DPP6: variants seen among roughly 807,000 people sequenced by gnomAD.
DPP6 encodes the protein A-type potassium channel modulatory protein DPP6.
DPP6 carries 69 observed loss-of-function variants against 122.6 expected under a neutral mutation model. The observed-to-expected ratio is 0.56, with a 90% CI of 0.46 to 0.69. The LOEUF (loss-of-function observed/expected upper bound fraction) is 0.69, where lower values mean the gene tolerates loss of function less well. Among genes scored for constraint, DPP6 ranks in the 30% least tolerant of loss-of-function variants. DPP6 has a pLI of 0.00. For synonymous variants in DPP6, 418 were observed against 433.1 expected, an observed-to-expected ratio of 0.97 and a Z score of 0.43; for missense variants, 928 against 1,116.9, an observed-to-expected ratio of 0.83 and a Z score of 2.41.
chr7:154,587,921 G>A, intron 5 of DPP6: 1 of 1,612,914 alleles, frequency 6.2e-7, no homozygotes, highest in East Asian at 2.2e-5. Flanking sequence ...CCAGGAGGCA[G>A]GACTGCCAAT....
the DPP6 span, among the ~76,000 whole-genome samples, chr7:153,804,691 G>A: frequency 6.6e-6 from 1 of 152,104 alleles, no homozygotes; most frequent in South Asian, 2.1e-4. Context: ...TCAGGAGTTC[G>A]AGACCAGCCT....
At chr7:154,126,985 G>C (rs1807939587) in intron 1 of DPP6, among the ~76,000 whole-genome samples, 1 of 152,078 alleles carries the variant, frequency 6.6e-6, no homozygotes, top group African/African-American at 2.4e-5. Context: ...ACCCCTTCCA[G>C]CTCCTTGGGG....
intron 1 of DPP6, among the ~76,000 whole-genome samples, chr7:154,279,098 G>A (rs1282506839): frequency 1.3e-5 from 2 of 150,818 alleles, no homozygotes; most frequent in Non-Finnish European, 3.0e-5. Context: ...GGATGCATGT[G>A]TGTGCATTGT....
At chr7:154,086,348 G>A (rs1258552301) in intron 1 of DPP6, among the ~76,000 whole-genome samples, 2 of 147,416 alleles carry the variant, frequency 1.4e-5, no homozygotes, top group Non-Finnish European at 3.0e-5. Context: ...GGCTGCAGGT[G>A]TGTTTTTCCT....
intron 7 of DPP6, among the ~76,000 whole-genome samples, chr7:154,692,882 A>G (rs1586901167): frequency 6.6e-6 from 1 of 151,650 alleles, no homozygotes; most frequent in South Asian, 2.1e-4. Flanking sequence ...CCTGACCTCA[A>G]CCTCAAGCAG....
chr7:154,028,069 C>T (rs1220758939), intron 1 of DPP6, among the ~76,000 whole-genome samples: 2 of 151,428 alleles, frequency 1.3e-5, no homozygotes, highest in African/African-American at 4.9e-5. Flanking sequence ...GGCCGGTGCT[C>T]CCATGGGCTG....
intron 5 of DPP6, among the ~76,000 whole-genome samples, chr7:154,586,441 C>T (rs1832455025): frequency 6.6e-6 from 1 of 152,112 alleles, no homozygotes; most frequent in Non-Finnish European, 1.5e-5. Flanking sequence ...GTTTTGGCCC[C>T]ATAGATGAGG....
chr7:154,206,018 G>A (rs936922459), intron 1 of DPP6, among the ~76,000 whole-genome samples: 3 of 152,144 alleles, frequency 2.0e-5, no homozygotes, highest in African/African-American at 4.8e-5. Flanking sequence ...CCAAGGAAAG[G>A]CATCTCCTTA....
chr7:154,291,458 C>T (rs760635080), intron 1 of DPP6, among the ~76,000 whole-genome samples: 24 of 152,192 alleles, frequency 1.6e-4, no homozygotes, highest in Non-Finnish European at 3.1e-4. Context: ...GCCTTGCTTC[C>T]TTCTTGCTTC....
intron 1 of DPP6, among the ~76,000 whole-genome samples, chr7:153,990,237 C>T (rs1797101606): frequency 9.5e-6 from 1 of 104,960 alleles, no homozygotes; most frequent in Non-Finnish European, 2.0e-5. Flanking sequence ...TCCAGCCCCA[C>T]CCTCAGGCAG....
chr7:154,719,376 T>C (rs1841677153), intron 7 of DPP6, among the ~76,000 whole-genome samples: 1 of 151,642 alleles, frequency 6.6e-6, no homozygotes, highest in Admixed American at 6.5e-5. Flanking sequence ...ACAGAAGTAA[T>C]GTGGCCACGG....
At chr7:153,789,341 C>T in the DPP6 span, among the ~76,000 whole-genome samples, 1 of 152,140 alleles carries the variant, frequency 6.6e-6, no homozygotes, top group African/African-American at 2.4e-5. Context: ...AAGCTACCTA[C>T]ATATATAATT....
Position 154,795,792 on chromosome 7 carries a change from AAAAAGAAAAG to A in DPP6, c.1261-43_1261-34del, listed in dbSNP as rs200163118. On this transcript the variant is annotated intron_variant, in intron 11 of 25. Coordinates refer to ENST00000377770, the MANE Select transcript of DPP6 (RefSeq NM_130797.4). Reference sequence around the variant, plus strand: ...CACAGACACAATACATGCAAAAAAAAAAAAGAAAAGAAAAGAAAAACCCTCTTGTCTAATG... The same window carrying A: ...CACAGACACAATACATGCAAAAAAAAAAAAGAAAAACCCTCTTGTCTAATG... 170,535 of 1,290,816 alleles carry A rather than the reference AAAAAGAAAAG, an allele frequency of 0.13. 4,615 individuals are homozygous for A. The highest frequency in any genetic ancestry group is 0.34 in the African/African-American group (22,500 of 65,830). 80.0% of individuals were successfully genotyped at this position (1,290,816 alleles called of 1,614,324 possible).
intron 1 of DPP6, among the ~76,000 whole-genome samples, chr7:154,285,861 T>C (rs1804815998): frequency 6.6e-6 from 1 of 152,186 alleles, no homozygotes. Context: ...GAGATAGCAA[T>C]TTAACTTTCT....
At chr7:154,142,127 C>T (rs979793288) in intron 1 of DPP6, among the ~76,000 whole-genome samples, 7 of 151,972 alleles carry the variant, frequency 4.6e-5, no homozygotes, top group African/African-American at 7.3e-5. Context: ...AAGAGGACCA[C>T]GAGATACATT....
chr7:153,763,039 G>A, the DPP6 span, among the ~76,000 whole-genome samples: 1 of 152,184 alleles, frequency 6.6e-6, no homozygotes, highest in African/African-American at 2.4e-5. Flanking sequence ...GAGCAGCCCA[G>A]GGATGACCAC....
intron 1 of DPP6, among the ~76,000 whole-genome samples, chr7:154,153,242 A>AT (rs1796512534): frequency 6.6e-6 from 1 of 152,112 alleles, no homozygotes; most frequent in Non-Finnish European, 1.5e-5. Flanking sequence ...CTGGAGTGCA[A>AT]TGGCGGGATC....
chr7:154,002,509 A>G (rs1337983710), intron 1 of DPP6, among the ~76,000 whole-genome samples: 3 of 152,214 alleles, frequency 2.0e-5, no homozygotes, highest in African/African-American at 7.2e-5. Flanking sequence ...CGCTGGCCCA[A>G]TATCTAGGCT....
intron 1 of DPP6, among the ~76,000 whole-genome samples, chr7:154,258,244 T>C (rs1390449866): frequency 6.6e-6 from 1 of 152,202 alleles, no homozygotes; most frequent in African/African-American, 2.4e-5. Flanking sequence ...TCTAAGTACA[T>C]TCAGATTGTG....
Sources: gnomAD v4.1 joint callset for allele counts (sites outside exome capture counted in the v4.1 genomes callset) on GRCh38, gnomAD v4.1.1 for gene constraint, MANE v1.5 for transcripts, NCBI Gene and HGNC (gene_info 2026-07-23, HGNC 2026-07-21) for gene names.